Variants in SPIRE1 observed in about 807,000 individuals in gnomAD.
SPIRE1 encodes the protein spire type actin nucleation factor 1.
Under a neutral mutation model 94.1 loss-of-function variants are expected in SPIRE1, and 40 were observed. The observed-to-expected ratio is 0.43, with a 90% CI of 0.33 to 0.55. The LOEUF is 0.55. Ranked by LOEUF, SPIRE1 falls within the 20% of genes least tolerant of loss-of-function variation. The pLI, the probability that SPIRE1 is intolerant of heterozygous loss-of-function variation, is 0.06. For synonymous variants in SPIRE1, 376 were observed against 371.7 expected (o/e 1.01, Z -0.13); for missense variants, 838 against 975.2 (o/e 0.86, Z 1.87).
chr18:12,600,313 A>C (rs2036797595), intron 2 of SPIRE1, among the ~76,000 whole-genome samples: 1 of 152,222 alleles, frequency 6.6e-6, no homozygotes, highest in Non-Finnish European at 1.5e-5. Context: ...CTGTGAGATC[A>C]TAAATTTGTG....
At chr18:12,458,930 TA>T (rs780702749) in intron 12 of SPIRE1, among the ~76,000 whole-genome samples, 13 of 151,782 alleles carry the variant, frequency 8.6e-5, no homozygotes, top group Non-Finnish European at 1.8e-4. Context: ...TAAGAAAGAG[TA>T]ACAAAGAAAC....
intron 9 of SPIRE1, 80 bp downstream of exon 9, chr18:12,485,879 G>T: frequency 9.4e-7 from 1 of 1,066,424 alleles, no homozygotes; most frequent in South Asian, 1.4e-5. Flanking sequence ...TAACATGTTT[G>T]AACAAGCAGA....
intron 12 of SPIRE1, chr18:12,459,766 T>C (rs780232380): frequency 2.4e-4 from 235 of 985,738 alleles, no homozygotes; most frequent in Non-Finnish European, 2.7e-4. Context: ...TTTGAGGATT[T>C]CCACCTGCTG....
Position 12,449,218 on chromosome 18 carries a change from T to C in SPIRE1, c.*420A>G, listed in dbSNP as rs374879739. 1.1e-5 allele frequency: 2 copies of C among 182,838 alleles called. No individual in the cohort carries two copies. Among genetic ancestry groups the C allele is most frequent in the African/African-American group, 4.8e-5 (2 of 41,898 alleles). The allele number at this position is 182,838 out of a possible 1,614,324, so 11.3% of individuals were successfully genotyped here. ...CTCTGTACACGGGATAGAAACACAG[T>C]CACGTGGAAATGCCAATATGACTTA... On this transcript the variant is annotated 3_prime_UTR_variant, in exon 17 of 17. Coordinates refer to ENST00000409402, the MANE Select transcript of SPIRE1 (RefSeq NM_001128626.2).
intron 2 of SPIRE1, among the ~76,000 whole-genome samples, chr18:12,625,726 G>A (rs1414759803): frequency 2.6e-5 from 4 of 152,060 alleles, no homozygotes; most frequent in Non-Finnish European, 5.9e-5. Flanking sequence ...TTGAAATTAA[G>A]GGCTACCCAT....
intron 2 of SPIRE1, among the ~76,000 whole-genome samples, chr18:12,634,675 C>G (rs1322797477): frequency 6.6e-6 from 1 of 152,126 alleles, no homozygotes; most frequent in South Asian, 2.1e-4. Flanking sequence ...TGACTCATGC[C>G]TATAATCCCA....
At chr18:12,463,845 C>T (rs2031979509) in intron 11 of SPIRE1, among the ~76,000 whole-genome samples, 1 of 152,042 alleles carries the variant, frequency 6.6e-6, no homozygotes, top group Admixed American at 6.6e-5. Flanking sequence ...ACATTTTGTC[C>T]TTAGGTTTAA....
At chr18:12,641,660 C>G (rs1333752137) in intron 1 of SPIRE1, among the ~76,000 whole-genome samples, 1 of 152,018 alleles carries the variant, frequency 6.6e-6, no homozygotes, top group Non-Finnish European at 1.5e-5. Flanking sequence ...AGCCACCACA[C>G]CCAGCCTCAT....
At chr18:12,487,509 A>G (rs1386095966) in intron 8 of SPIRE1, among the ~76,000 whole-genome samples, 1 of 151,068 alleles carries the variant, frequency 6.6e-6, no homozygotes, top group Non-Finnish European at 1.5e-5. Context: ...CCCAGGTTCA[A>G]GCAATCTCCC....
chr18:12,658,254 G>T (rs1329660702), upstream of SPIRE1: 1 of 466,722 alleles, frequency 2.1e-6, no homozygotes, highest in Admixed American at 2.4e-5. Flanking sequence ...TGGCCGCACG[G>T]TCTCTAGCCC....
chr18:12,565,164 A>G (rs1281201991), intron 2 of SPIRE1, among the ~76,000 whole-genome samples: 2 of 152,156 alleles, frequency 1.3e-5, no homozygotes, highest in Non-Finnish European at 2.9e-5. Context: ...ATACAGCAAA[A>G]ATTCTTAAAG....
intron 4 of SPIRE1, among the ~76,000 whole-genome samples, chr18:12,513,845 T>G (rs934802738): frequency 6.6e-6 from 1 of 151,944 alleles, no homozygotes; most frequent in Non-Finnish European, 1.5e-5. Flanking sequence ...TTTTAAGATT[T>G]ATTTATTTAT....
At chr18:12,648,042 C>A (rs908614122) in intron 1 of SPIRE1, among the ~76,000 whole-genome samples, 6 of 151,968 alleles carry the variant, frequency 3.9e-5, no homozygotes, top group African/African-American at 1.4e-4. Context: ...AACAAAACAA[C>A]CAAAGTACAA....
At chr18:12,560,541 T>C (rs2035651597) in intron 2 of SPIRE1, among the ~76,000 whole-genome samples, 2 of 152,118 alleles carry the variant, frequency 1.3e-5, no homozygotes, top group African/African-American at 4.8e-5. Flanking sequence ...ATTAAAACAA[T>C]TGAACTTCTG....
At chr18:12,450,954 G>A (rs1054968710) in intron 16 of SPIRE1, 9 of 639,560 alleles carry the variant, frequency 1.4e-5, no homozygotes, top group African/African-American at 1.8e-5. Context: ...GGAGAAAAGG[G>A]TCCTGCTAAA....
At chr18:12,461,650 C>T (rs1011906700) in intron 12 of SPIRE1, among the ~76,000 whole-genome samples, 1 of 125,518 alleles carries the variant, frequency 8.0e-6, no homozygotes, top group African/African-American at 2.6e-5. Context: ...TTTTTAGAGA[C>T]AGGGTCTTGC....
At chr18:12,623,520 C>T (rs1272681120) in intron 2 of SPIRE1, among the ~76,000 whole-genome samples, 1 of 152,166 alleles carries the variant, frequency 6.6e-6, no homozygotes, top group Admixed American at 6.6e-5. Context: ...AATCTAGTCC[C>T]TTCCCACACA....
upstream of SPIRE1, chr18:12,661,971 ATT>A (rs900829626): frequency 3.9e-6 from 1 of 255,766 alleles, no homozygotes; most frequent in African/African-American, 2.3e-5. Context: ...TGTTTTGTTG[ATT>A]TTGTTACTTT....
At chr18:12,624,004 A>C (rs1598548955) in intron 2 of SPIRE1, among the ~76,000 whole-genome samples, 1 of 149,142 alleles carries the variant, frequency 6.7e-6, no homozygotes. Flanking sequence ...GCTCACTGCA[A>C]CCTCTGCCTC....
Sources: allele counts gnomAD v4.1 joint callset (sites outside exome capture counted in the v4.1 genomes callset), GRCh38; gene constraint gnomAD v4.1.1; transcripts MANE v1.5; gene names NCBI Gene and HGNC (gene_info 2026-07-23, HGNC 2026-07-21).